The following AHDC1 variants were observed in gnomAD, a reference collection of about 807,000 sequenced individuals.
The protein encoded by AHDC1 is transcription factor Gibbin.
A neutral mutation model predicts 87.9 loss-of-function variants in AHDC1; 7 were observed. That is an observed-to-expected ratio of 0.08 (90% CI 0.05 to 0.15). AHDC1 has a LOEUF of 0.15. AHDC1 is among the 10% of genes least tolerant of loss of function. AHDC1 has a pLI of 1.00. For synonymous variants in AHDC1, 1,051 were observed against 1,006.8 expected (o/e 1.04, Z -0.83); for missense variants, 1,841 against 2,253.2 (o/e 0.82, Z 3.70).
At position 27,593,543 on chromosome 1, in the gene AHDC1, C is replaced by T. The variant is rs1283583824; in HGVS notation, c.-629+9854G>A. Among the ~76,000 whole-genome samples the T allele has an allele frequency of 6.6e-6, 1 of 152,214 alleles. No homozygotes were observed. Among genetic ancestry groups the T allele is most frequent in the Non-Finnish European group, 1.5e-5 (1 of 68,034 alleles). On this transcript the variant is annotated intron_variant, in intron 3 of 8. Coordinates refer to ENST00000673934, the MANE Select transcript of AHDC1 (RefSeq NM_001371928.1). The surrounding 1 kb of genome is among the most constrained non-coding windows in gnomAD (Gnocchi z 4.9). ...GGCCCATTCCCTCTGGCCCTTGGTG[C>T]TGCCCCAGTCCCACAGCCACGGCTC... is the stretch of plus-strand genomic sequence containing the variant.
chr1:27,581,682 C>G (rs1274159696), intron 3 of AHDC1, among the ~76,000 whole-genome samples: 1 of 152,244 alleles, frequency 6.6e-6, no homozygotes, highest in Non-Finnish European at 1.5e-5. Flanking sequence ...TCTCTTCCAC[C>G]TCGAGCTAGC....
chr1:27,551,526 A>G lies in AHDC1; in HGVS notation c.590T>C (p.Leu197Pro), dbSNP rs751421214. ...CCTAGGCTCAGGCTCAGGCTCGTAG[A>G]GGGGATGGCTGGGCCGCTCCGACTT... ...HAKSERPSHP[L>P]YEPEPEPRDS... is the part of the protein sequence containing the mutation. The change falls in exon 8 of 9, where the codon CTC (leucine) becomes CCC (proline). Residue 197 changes from leucine (L) to proline (P), a missense_variant. This residue lies in a region of AHDC1 where 370 missense variants were observed against 391.5 expected (regional missense o/e 0.95). Transcript: ENST00000673934. 3 of 1,604,796 alleles carry G rather than the reference A, an allele frequency of 1.9e-6. No homozygotes were observed. The highest frequency in any genetic ancestry group is 1.7e-6 in the Non-Finnish European group (2 of 1,174,868).
At chr1:27,575,523 C>T (rs1347068984) in intron 3 of AHDC1, among the ~76,000 whole-genome samples, 1 of 152,072 alleles carries the variant, frequency 6.6e-6, no homozygotes, top group Non-Finnish European at 1.5e-5. Context: ...GCGCCCCTGC[C>T]CGAGCTGCGC....
chr1:27,571,643 T>C (rs2088517972), intron 3 of AHDC1, among the ~76,000 whole-genome samples: 1 of 151,898 alleles, frequency 6.6e-6, no homozygotes, highest in Non-Finnish European at 1.5e-5. Flanking sequence ...TCAGTCCAAG[T>C]TGGCTCCCAC....
intron 3 of AHDC1, among the ~76,000 whole-genome samples, chr1:27,571,075 AAGGCAGGGTACTCTACTTCCTGTGGCC>A (rs1385392056): frequency 6.6e-6 from 1 of 152,072 alleles, no homozygotes; most frequent in Non-Finnish European, 1.5e-5. Flanking sequence ...TCAGGAAGAA[AAGGCAGGGTACTCTACTTCCTGTGGCC>A]AGACCCAGTG....
At chr1:27,569,204 T>G (rs1486548794) in intron 3 of AHDC1, among the ~76,000 whole-genome samples, 1 of 151,990 alleles carries the variant, frequency 6.6e-6, no homozygotes, top group Non-Finnish European at 1.5e-5. Context: ...ACCCCTGCTC[T>G]GGAGTCAGAC....
Position 27,548,169 on chromosome 1 carries a change from T to C in AHDC1, c.3947A>G (p.Tyr1316Cys). ...FQDSPDLGLD[Y>C]YSGDSSMSPL... is the part of the protein sequence containing the mutation. ...TGACATGCTGCTGTCCCCGCTATAGTAGTCCAGGCCGAGGTCAGGACTGTC... is the reference window on the plus strand; with the variant it reads ...TGACATGCTGCTGTCCCCGCTATAGCAGTCCAGGCCGAGGTCAGGACTGTC... The change falls in exon 8 of 9, where the codon TAC (tyrosine) becomes TGC (cysteine). Residue 1316 changes from tyrosine (Y) to cysteine (C), a missense_variant. By Grantham distance (194) the Tyr-to-Cys change is radical. Coordinates refer to ENST00000673934, the MANE Select transcript of AHDC1 (RefSeq NM_001371928.1). 3.1e-6 allele frequency: 5 copies of C among 1,613,762 alleles called. No individual in the cohort carries two copies. Among genetic ancestry groups the C allele is most frequent in the Non-Finnish European group, 3.4e-6 (4 of 1,180,020 alleles).
chr1:27,551,756 T>C lies in AHDC1; in HGVS notation c.360A>G (p.Pro120=). ...CWDNGRVNLR[P]VVQLIDIMKD... The stretch of plus-strand genomic sequence containing the variant: ...TCATGATGTCAATCAGCTGCACCAC[T>C]GGTCGCAGGTTCACCCGCCCGTTGT... The change falls in exon 8 of 9, where the codon CCA becomes CCG. Residue 120 remains proline, a synonymous_variant. Transcript: ENST00000673934. 6.2e-7 allele frequency: 1 copy of C among 1,613,646 alleles called. No individual in the cohort carries two copies. Among genetic ancestry groups the C allele is most frequent in the South Asian group, 1.1e-5 (1 of 91,072 alleles).
chr1:27,547,375 G>A lies in AHDC1; in HGVS notation c.4741C>T (p.Pro1581Ser). 6.4e-7 allele frequency: 1 copy of A among 1,554,994 alleles called. No homozygotes were observed. Among genetic ancestry groups the A allele is most frequent in the Non-Finnish European group, 8.7e-7 (1 of 1,151,688 alleles). The part of the protein sequence containing the change: ...PQAHPGLGGG[P>S]KSGFLGPMAE... Reference sequence around the variant, plus strand: ...ATGGGCCCCAGGAAGCCGCTCTTGGGGCCCCCACCCAGGCCAGGATGCGCC... The same window carrying A: ...ATGGGCCCCAGGAAGCCGCTCTTGGAGCCCCCACCCAGGCCAGGATGCGCC... Residue 1581 changes from proline (P) to serine (S), a missense_variant, in exon 8 of 9, where the codon CCC becomes TCC. By Grantham distance (74) the Pro-to-Ser change is moderately conservative. Coordinates refer to ENST00000673934, the MANE Select transcript of AHDC1 (RefSeq NM_001371928.1). This position sits in a 1 kb window ranked among gnomAD's most constrained non-coding sequence, Gnocchi z 4.9.
Position 27,560,759 on chromosome 1 carries a change from C to T in AHDC1, c.-628-1876G>A, listed in dbSNP as rs568076758. Among the ~76,000 whole-genome samples the T allele has an allele frequency of 1.1e-3, 175 of 152,230 alleles. No individual in the cohort carries two copies. The highest frequency in any genetic ancestry group is 3.9e-3 in the African/African-American group (163 of 41,526). ...TTGTGCCAGTATGGCCGTGTGTCAGCGTCAACATGTGTGAGCAGGTCTGTG... is the reference window on the plus strand; with the variant it reads ...TTGTGCCAGTATGGCCGTGTGTCAGTGTCAACATGTGTGAGCAGGTCTGTG... On this transcript the variant is annotated intron_variant, in intron 3 of 8. Coordinates refer to ENST00000673934, the MANE Select transcript of AHDC1 (RefSeq NM_001371928.1). The surrounding 1 kb of genome is among the most constrained non-coding windows in gnomAD (Gnocchi z 4.1).
In AHDC1 at chr1:27,558,732, G is replaced by C; in HGVS notation, c.-477C>G. On this transcript the variant is annotated 5_prime_UTR_variant, in exon 4 of 9. Transcript: ENST00000673934. The surrounding 1 kb of genome is among the most constrained non-coding windows in gnomAD (Gnocchi z 5.6). ...TGAGCAGGCTGCGAAGATAGGCTGGGCTCAGCAGGAAAGGCCTGTCTTCAT... is the reference window on the plus strand; with the variant it reads ...TGAGCAGGCTGCGAAGATAGGCTGGCCTCAGCAGGAAAGGCCTGTCTTCAT... The C allele has an allele frequency of 2.5e-6, 1 of 398,662 alleles. No homozygotes were observed. The highest frequency in any genetic ancestry group is 4.4e-6 in the Non-Finnish European group (1 of 226,088). 24.7% of individuals were successfully genotyped at this position (398,662 alleles called of 1,614,324 possible).
chr1:27,564,173 T>C (rs1020376324), intron 3 of AHDC1, among the ~76,000 whole-genome samples: 1 of 152,160 alleles, frequency 6.6e-6, no homozygotes, highest in African/African-American at 2.4e-5. Flanking sequence ...CCCAGCCTGC[T>C]GGCCATAGTG....
At chr1:27,602,823 C>T (rs1049909244) in intron 3 of AHDC1, among the ~76,000 whole-genome samples, 7 of 152,268 alleles carry the variant, frequency 4.6e-5, no homozygotes, top group Admixed American at 3.3e-4. Flanking sequence ...CCCCACACCC[C>T]CTCCGGGTCA....
rs780103526 is a variant in AHDC1 at position 27,547,961 on chromosome 1, G to C, written c.4155C>G (p.His1385Gln). The C allele has an allele frequency of 4.4e-6, 7 of 1,597,958 alleles. No homozygotes were observed. Among genetic ancestry groups the C allele is most frequent in the Non-Finnish European group, 6.0e-6 (7 of 1,169,370 alleles). The change falls in exon 8 of 9, where the codon CAC (histidine) becomes CAG (glutamine). Residue 1385 changes from histidine to glutamine, a missense_variant. This residue lies in a region of AHDC1 where 505 missense variants were observed against 626.2 expected (regional missense o/e 0.81). Transcript: ENST00000673934. This position sits in a 1 kb window ranked among gnomAD's most constrained non-coding sequence, Gnocchi z 4.9. ...GGCCGGCGTCAAACACCGTGGGTGG[G>C]TGGGCCAGCGGTGGGAAATGCTTGC... is the stretch of plus-strand genomic sequence containing the variant. ...LDGKHFPPLA[H>Q]PPTVFDAGLQ... is the part of the protein sequence containing the mutation.
At position 27,595,241 on chromosome 1, in the gene AHDC1, G is replaced by A. The variant is rs890627723; in HGVS notation, c.-629+8156C>T. On this transcript the variant is annotated intron_variant, in intron 3 of 8. Coordinates refer to ENST00000673934, the MANE Select transcript of AHDC1 (RefSeq NM_001371928.1). This position sits in a 1 kb window ranked among gnomAD's most constrained non-coding sequence, Gnocchi z 4.0. ...AGGGGGAGGCTGTATGTTTGGAAAG[G>A]TATAGGGGATGATACCGGTGTTTGG... is the stretch of plus-strand genomic sequence containing the variant. Among the ~76,000 whole-genome samples, 1 of 152,032 alleles carries A rather than the reference G, an allele frequency of 6.6e-6. No individual in the cohort carries two copies. Among genetic ancestry groups the A allele is most frequent in the Non-Finnish European group, 1.5e-5 (1 of 68,004 alleles).
chr1:27,561,159 A>G lies in AHDC1; in HGVS notation c.-628-2276T>C, dbSNP rs1425506979. Among the ~76,000 whole-genome samples, 3 of 152,098 alleles carry G rather than the reference A, an allele frequency of 2.0e-5. No individual in the cohort carries two copies. Among genetic ancestry groups the G allele is most frequent in the African/African-American group, 7.2e-5 (3 of 41,396 alleles). Reference sequence around the variant, plus strand: ...GCCCTTGGGGAGCCCCCACCTTTGCAGCTCCCCAGAGGCCCAGGAGGAAGG... The same window carrying G: ...GCCCTTGGGGAGCCCCCACCTTTGCGGCTCCCCAGAGGCCCAGGAGGAAGG... On this transcript the variant is annotated intron_variant, in intron 3 of 8. Coordinates refer to ENST00000673934, the MANE Select transcript of AHDC1 (RefSeq NM_001371928.1). The surrounding 1 kb of genome is among the most constrained non-coding windows in gnomAD (Gnocchi z 4.2).
chr1:27,595,988 T>C lies in AHDC1; in HGVS notation c.-629+7409A>G, dbSNP rs1281435527. ...AGCTGTGAGTGTGTATGTGGGGCAG[T>C]TGTCTATTTAGAAGGTGTTGGGAGC... is the stretch of plus-strand genomic sequence containing the variant. On this transcript the variant is annotated intron_variant, in intron 3 of 8. Coordinates refer to ENST00000673934, the MANE Select transcript of AHDC1 (RefSeq NM_001371928.1). This position sits in a 1 kb window ranked among gnomAD's most constrained non-coding sequence, Gnocchi z 4.0. Among the ~76,000 whole-genome samples the C allele has an allele frequency of 2.6e-5, 4 of 151,904 alleles. No homozygotes were observed. Among genetic ancestry groups the C allele is most frequent in the African/African-American group, 9.7e-5 (4 of 41,352 alleles).
intron 3 of AHDC1, among the ~76,000 whole-genome samples, chr1:27,578,719 CG>C (rs2088826329): frequency 6.7e-6 from 1 of 148,688 alleles, no homozygotes; most frequent in Non-Finnish European, 1.5e-5. Flanking sequence ...TTTTTTGACA[CG>C]GAGTCTTACA....
chr1:27,559,696 A>C (rs1479962787), intron 3 of AHDC1, among the ~76,000 whole-genome samples: 1 of 152,234 alleles, frequency 6.6e-6, no homozygotes, highest in Non-Finnish European at 1.5e-5. Context: ...GTGTATATGC[A>C]GCTGGCGTTT....
Sources: gnomAD v4.1 joint callset for allele counts (sites outside exome capture counted in the v4.1 genomes callset) on GRCh38, gnomAD v4.1.1 for gene constraint, gnomAD v4.1.1 regional missense constraint, Gnocchi (gnomAD v3.1) non-coding constraint, MANE v1.5 for transcripts, NCBI Gene and HGNC (gene_info 2026-07-23, HGNC 2026-07-21) for gene names.